The following USP22 variants were observed in gnomAD, a reference collection of about 807,000 sequenced individuals.
The protein encoded by USP22 is ubiquitin carboxyl-terminal hydrolase 22.
A neutral mutation model predicts 68.1 loss-of-function variants in USP22; 22 were observed. That is an observed-to-expected ratio of 0.32 (90% CI 0.23 to 0.46). The LOEUF is 0.46. Among genes scored for constraint, USP22 ranks in the 20% least tolerant of loss-of-function variants. The pLI is 1.00. For synonymous variants in USP22, 279 were observed against 274.2 expected (o/e 1.02, Z -0.17); for missense variants, 433 against 695.8 (o/e 0.62, Z 4.25).
intron 7 of USP22, among the ~76,000 whole-genome samples, 176 bp downstream of exon 7, chr17:21,012,654 C>G (rs1404873498): frequency 6.6e-6 from 1 of 151,578 alleles, no homozygotes; most frequent in Non-Finnish European, 1.5e-5. Flanking sequence ...TGCCCTACGA[C>G]CTCCCCAAGA....
At chr17:21,013,252 T>G (rs949181209) in intron 6 of USP22, among the ~76,000 whole-genome samples, 1 of 152,218 alleles carries the variant, frequency 6.6e-6, no homozygotes, top group African/African-American at 2.4e-5. Flanking sequence ...AAAGAATGAC[T>G]GAATCAATAT....
chr17:21,021,629 C>A lies in USP22; in HGVS notation c.305-403G>T, dbSNP rs74899524. 4.4e-3 allele frequency among the ~76,000 whole-genome samples: 669 copies of A among 152,290 alleles called. 7 individuals carry two copies. Among genetic ancestry groups the A allele is most frequent in the African/African-American group, 0.015 (634 of 41,566 alleles). Reference sequence around the variant, plus strand: ...CCATCTAGAATTCCTGACACCATCACCATAAAGAATGTGGCAGCAACTTGC... The same window carrying A: ...CCATCTAGAATTCCTGACACCATCAACATAAAGAATGTGGCAGCAACTTGC... On this transcript the variant is annotated intron_variant, in intron 2 of 12. Transcript: ENST00000261497.
At position 21,042,879 on chromosome 17, in the gene USP22, G is replaced by A. The variant is rs770743052; in HGVS notation, c.-44C>T. On this transcript the variant is annotated 5_prime_UTR_variant, in exon 1 of 13. Coordinates refer to ENST00000261497, the MANE Select transcript of USP22 (RefSeq NM_015276.2). Reference sequence around the variant, plus strand: ...GCGCGCGGGGGGCGGCGGCGAGGGAGGCGAGGACGACGCCAGCGCGGCGTG... The same window carrying A: ...GCGCGCGGGGGGCGGCGGCGAGGGAAGCGAGGACGACGCCAGCGCGGCGTG... The A allele has an allele frequency of 5.0e-6, 6 of 1,211,800 alleles. No homozygotes were observed. In the South Asian group the frequency reaches 2.1e-4, roughly 42 times the overall value. 75.1% of individuals were successfully genotyped at this position (1,211,800 alleles called of 1,614,324 possible). A position where few individuals can be genotyped will look rare whatever the true frequency, so the allele number is the denominator to read the frequency against.
At position 21,010,663 on chromosome 17, in the gene USP22, C is replaced by CAAA. The variant is rs36003717; in HGVS notation, c.1103+485_1103+487dup. On this transcript the variant is annotated intron_variant, in intron 8 of 12. Coordinates refer to ENST00000261497, the MANE Select transcript of USP22 (RefSeq NM_015276.2). Reference sequence around the variant, plus strand: ...TGGTCGACAGAGCACAACTCTGTCTCAAAAAAAAAAAAAAAAATCACTTTG... The same window carrying CAAA: ...TGGTCGACAGAGCACAACTCTGTCTCAAAAAAAAAAAAAAAAAAAATCACTTTG... 2.8e-3 allele frequency among the ~76,000 whole-genome samples: 306 copies of CAAA among 107,548 alleles called. 5 individuals are homozygous for CAAA. The highest frequency in any genetic ancestry group is 9.1e-3 in the African/African-American group (272 of 29,964). The allele number at this position is 107,548 out of a possible 152,430, so 70.6% of individuals were successfully genotyped here.
intron 11 of USP22, 65 bp downstream of exon 11, chr17:21,004,863 A>G: frequency 6.3e-7 from 1 of 1,584,462 alleles, no homozygotes. Context: ...TACAAGGCAG[A>G]CAGGAGCCCA....
chr17:21,021,078 C>T lies in USP22; in HGVS notation c.418+35G>A, dbSNP rs776304445. 9 of 1,526,174 alleles carry T rather than the reference C, an allele frequency of 5.9e-6. No homozygotes were observed. In the East Asian group the frequency reaches 2.0e-4, roughly 34 times the overall value. 94.5% of individuals were successfully genotyped at this position (1,526,174 alleles called of 1,614,324 possible). A position where few individuals can be genotyped will look rare whatever the true frequency, so the allele number is the denominator to read the frequency against. On this transcript the variant is annotated intron_variant, in intron 3 of 12. Coordinates refer to ENST00000261497, the MANE Select transcript of USP22 (RefSeq NM_015276.2). ...GCCCTTGATGGACATGAGGGAACTG[C>T]AGGATCAAGCAGGTAAACTGAGGTG...
chr17:21,017,860 TCATGGTC>T, intron 5 of USP22, 75 bp downstream of exon 5: 1 of 1,533,012 alleles, frequency 6.5e-7, no homozygotes, highest in Non-Finnish European at 8.9e-7. Flanking sequence ...TCTTCCTTTA[TCATGGTC>T]CACCTTAAAT....
At chr17:21,040,715 A>AGAGG (rs1555531195) in intron 1 of USP22, among the ~76,000 whole-genome samples, 1 of 152,032 alleles carries the variant, frequency 6.6e-6, no homozygotes, top group East Asian at 1.9e-4. Flanking sequence ...GAAGAAAGGG[A>AGAGG]GAGGGAGGGA....
chr17:21,009,745 A>G (rs1567790959), intron 8 of USP22, among the ~76,000 whole-genome samples: 1 of 152,196 alleles, frequency 6.6e-6, no homozygotes, highest in Non-Finnish European at 1.5e-5. Context: ...ACCTAAGGTC[A>G]GGAGTTTGGG....
At chr17:21,009,431 GA>G (rs1913878300) in intron 8 of USP22, among the ~76,000 whole-genome samples, 1 of 150,124 alleles carries the variant, frequency 6.7e-6, no homozygotes, top group Non-Finnish European at 1.5e-5. Flanking sequence ...CAAAGGACTC[GA>G]AAAGGAGCCT....
At chr17:21,041,617 TGA>T (rs1972433595) in intron 1 of USP22, among the ~76,000 whole-genome samples, 1 of 152,142 alleles carries the variant, frequency 6.6e-6, no homozygotes, top group Admixed American at 6.5e-5. Context: ...ATTTTTTTTT[TGA>T]ATTACTGCTT....
At chr17:21,026,616 G>A (rs1246963878) in intron 2 of USP22, among the ~76,000 whole-genome samples, 1 of 150,946 alleles carries the variant, frequency 6.6e-6, no homozygotes, top group African/African-American at 2.4e-5. Flanking sequence ...AAGCCACACC[G>A]CTCCTCCCTC....
In USP22 at chr17:21,042,761, G is replaced by T; in HGVS notation, c.75C>A (p.His25Gln). 6.7e-7 allele frequency: 1 copy of T among 1,498,718 alleles called. No homozygotes were observed. 92.8% of individuals were successfully genotyped at this position (1,498,718 alleles called of 1,614,324 possible). ...AGTTGTCCACCTTGAAGCTGCCCAGGTGCGAGCAGCCCGGCGGCGCTACCG... is the reference window on the plus strand; with the variant it reads ...AGTTGTCCACCTTGAAGCTGCCCAGTTGCGAGCAGCCCGGCGGCGCTACCG... Reference protein sequence around the residue: ...ELAVAPPGCSHLGSFKVDNWK... With the variant: ...ELAVAPPGCSQLGSFKVDNWK... The change falls in exon 1 of 13, where the codon CAC (histidine) becomes CAA (glutamine). Residue 25 changes from histidine (H) to glutamine (Q), a missense_variant. Coordinates refer to ENST00000261497, the MANE Select transcript of USP22 (RefSeq NM_015276.2).
intron 5 of USP22, among the ~76,000 whole-genome samples, chr17:21,016,514 C>A (rs1972083127): frequency 6.6e-6 from 1 of 152,212 alleles, no homozygotes; most frequent in Admixed American, 6.5e-5. Flanking sequence ...AAACCCAAAA[C>A]CACAGACCAC....
At chr17:21,028,484 T>C (rs534360612) in intron 2 of USP22, 58 bp downstream of exon 2, 2 of 1,593,008 alleles carry the variant, frequency 1.3e-6, no homozygotes, top group South Asian at 1.1e-5. Context: ...AATCAAAAAA[T>C]CAAAGAGTAG....
At chr17:21,031,136 G>A (rs1304642746) in intron 1 of USP22, among the ~76,000 whole-genome samples, 1 of 152,192 alleles carries the variant, frequency 6.6e-6, no homozygotes, top group East Asian at 1.9e-4. Context: ...TAAATGGATA[G>A]AAGACAACTA....
chr17:21,016,617 T>C (rs1198131059), intron 5 of USP22, among the ~76,000 whole-genome samples: 2 of 152,170 alleles, frequency 1.3e-5, no homozygotes, highest in African/African-American at 4.8e-5. Context: ...ACATCATGGA[T>C]GCACGCAAGA....
At position 21,018,062 on chromosome 17, in the gene USP22, G is replaced by T; in HGVS notation, c.570C>A (p.Ile190=). 6.2e-7 allele frequency: 1 copy of T among 1,612,186 alleles called. No homozygotes were observed. The highest frequency in any genetic ancestry group is 8.5e-7 in the Non-Finnish European group (1 of 1,179,380). Reference sequence around the variant, plus strand: ...GTGGCGTGTGGGTCAGGGCCTGCACGATGCAGTTCATGAAGCATGTGTTCC... The same window carrying T: ...GTGGCGTGTGGGTCAGGGCCTGCACTATGCAGTTCATGAAGCATGTGTTCC... ...NLGNTCFMNC[I]VQALTHTPLL... Residue 190 remains isoleucine, a synonymous_variant, in exon 5 of 13, where the codon ATC becomes ATA. Transcript: ENST00000261497.
chr17:21,030,930 C>T (rs905829311), intron 1 of USP22, among the ~76,000 whole-genome samples: 1 of 152,126 alleles, frequency 6.6e-6, no homozygotes, highest in African/African-American at 2.4e-5. Context: ...AACTGTATTG[C>T]GCTTATGTAG....
Sources: gnomAD v4.1 joint callset for allele counts (sites outside exome capture counted in the v4.1 genomes callset) on GRCh38, gnomAD v4.1.1 for gene constraint, MANE v1.5 for transcripts, NCBI Gene and HGNC (gene_info 2026-07-23, HGNC 2026-07-21) for gene names.